Variants in IFT22 observed in about 807,000 individuals in gnomAD.
IFT22 encodes intraflagellar transport 22.
Under a neutral mutation model 21.0 loss-of-function variants are expected in IFT22, and 13 were observed. That is an observed-to-expected ratio of 0.62 (90% CI 0.40 to 0.98). The LOEUF (loss-of-function observed/expected upper bound fraction) is 0.98. Ranked by LOEUF, IFT22 falls within the 50% of genes least tolerant of loss-of-function variation. The pLI is 0.00. For missense variants in IFT22, 227 were observed against 228.9 expected (o/e 0.99, Z 0.06); for synonymous variants, 67 against 82.4 (o/e 0.81, Z 1.01).
intron 4 of IFT22, 105 bp from the exon 5 acceptor site, chr7:101,315,387 G>T: frequency 3.2e-6 from 4 of 1,247,734 alleles, no homozygotes; most frequent in Non-Finnish European, 2.3e-6. Context: ...GAAGTTCACA[G>T]ATCAAGTTGT....
chr7:101,316,691 G>A lies in IFT22; in HGVS notation c.207-149C>T, dbSNP rs542040880. The A allele has an allele frequency of 9.0e-5, 61 of 678,276 alleles. No individual in the cohort carries two copies. The East Asian group carries it at 1.6e-3, about 18-fold the overall frequency. 42.0% of individuals were successfully genotyped at this position (678,276 alleles called of 1,614,324 possible). A position where few individuals can be genotyped will look rare whatever the true frequency, so the allele number is the denominator to read the frequency against. On this transcript the variant is annotated intron_variant, in intron 3 of 4. Transcript: ENST00000315322. Reference sequence around the variant, plus strand: ...TGTAATCCCAGCACTTTGGGAGGCCGAGGCGGGCGATCACGAGGTCAGGAG... The same window carrying A: ...TGTAATCCCAGCACTTTGGGAGGCCAAGGCGGGCGATCACGAGGTCAGGAG...
chr7:101,312,573 T>C lies in IFT22; in HGVS notation c.*2561A>G, dbSNP rs7810079. Among the ~76,000 whole-genome samples the C allele has an allele frequency of 0.015, 2,204 of 143,458 alleles. 49 individuals carry two copies. Among genetic ancestry groups the C allele is most frequent in the African/African-American group, 0.054 (2,085 of 38,266 alleles). The allele number at this position is 143,458 out of a possible 152,430, so 94.1% of individuals were successfully genotyped here. On this transcript the variant is annotated 3_prime_UTR_variant, in exon 5 of 5. Coordinates refer to ENST00000315322, the MANE Select transcript of IFT22 (RefSeq NM_022777.4). ...TTTTTTGTGACGGAGTCTCGCTATGTTGCCGAGGCTGGAGAGCAGTGGCGC... is the reference window on the plus strand; with the variant it reads ...TTTTTTGTGACGGAGTCTCGCTATGCTGCCGAGGCTGGAGAGCAGTGGCGC...
chr7:101,318,300 A>G (rs13242752), intron 2 of IFT22, 87 bp from the exon 3 acceptor site: 1 of 948,928 alleles, frequency 1.1e-6, no homozygotes, highest in Non-Finnish European at 1.7e-6. Flanking sequence ...CGGGCAGATC[A>G]CTTGAGGTCA....
At chr7:101,316,109 C>T (rs1790141041) in intron 4 of IFT22, 2 of 492,706 alleles carry the variant, frequency 4.1e-6, no homozygotes, top group African/African-American at 1.9e-5. Flanking sequence ...AGCAATTCTC[C>T]TGCCTTAGCC....
chr7:101,320,558 CTTTT>C (rs397889268), intron 1 of IFT22, among the ~76,000 whole-genome samples: 34 of 101,628 alleles, frequency 3.3e-4, no homozygotes, highest in Admixed American at 1.1e-3. Flanking sequence ...CGCGCCCGGC[CTTTT>C]TTTTTTTTTT....
intron 1 of IFT22, chr7:101,321,339 C>A: frequency 2.9e-6 from 1 of 347,552 alleles, no homozygotes; most frequent in African/African-American, 2.2e-5. Context: ...AAAGTCCAGA[C>A]CCACAGACGC....
rs201765206 is a variant in IFT22 at position 101,315,129 on chromosome 7, G to C, written c.*5C>G. ...GGGGATGTGGCAGTCCCAGGTGAAG[G>C]CTGGCTAGGTCATAATTGACATCTC... is the stretch of plus-strand genomic sequence containing the variant. On this transcript the variant is annotated 3_prime_UTR_variant, in exon 5 of 5. Coordinates refer to ENST00000315322, the MANE Select transcript of IFT22 (RefSeq NM_022777.4). 2.5e-6 allele frequency: 4 copies of C among 1,611,832 alleles called. No homozygotes were observed. Among genetic ancestry groups the C allele is most frequent in the Non-Finnish European group, 3.4e-6 (4 of 1,178,838 alleles).
Position 101,321,781 on chromosome 7 carries a change from G to A in IFT22, c.-72C>T. On this transcript the variant is annotated 5_prime_UTR_variant, in exon 1 of 5. Coordinates refer to ENST00000315322, the MANE Select transcript of IFT22 (RefSeq NM_022777.4). The stretch of plus-strand genomic sequence containing the variant: ...CGTCAGGACGGAGCTCTACTTGGCC[G>A]CTTTCGTTTCCATGGCGACGGAGAG... The A allele has an allele frequency of 4.2e-6, 6 of 1,430,046 alleles. No individual in the cohort carries two copies. The Admixed American group carries it at 8.1e-5, about 19-fold the overall frequency. The allele number at this position is 1,430,046 out of a possible 1,614,324, so 88.6% of individuals were successfully genotyped here. A position where few individuals can be genotyped will look rare whatever the true frequency, so the allele number is the denominator to read the frequency against.
chr7:101,320,759 T>C (rs370402535), intron 1 of IFT22, among the ~76,000 whole-genome samples: 2 of 152,162 alleles, frequency 1.3e-5, no homozygotes, highest in South Asian at 2.1e-4. Context: ...TCCCAGAACT[T>C]TGAGAGACTG....
chr7:101,318,141 G>A lies in IFT22; in HGVS notation c.189C>T (p.Asp63=), dbSNP rs1191434290. 6.2e-7 allele frequency: 1 copy of A among 1,613,168 alleles called. No homozygotes were observed. Among genetic ancestry groups the A allele is most frequent in the Admixed American group, 1.7e-5 (1 of 59,960 alleles). Residue 63 remains aspartate (D), a synonymous_variant, in exon 3 of 5, where the codon GAC becomes GAT. Coordinates refer to ENST00000315322, the MANE Select transcript of IFT22 (RefSeq NM_022777.4). Reference sequence around the variant, plus strand: ...AAACATACTTAGCATCGCCACCACAGTCCCATAGCTCGAATTCACAGCCCG... The same window carrying A: ...AAACATACTTAGCATCGCCACCACAATCCCATAGCTCGAATTCACAGCCCG... ...KGTGCEFELW[D]CGGDAKFESC...
At chr7:101,315,662 TAGCTACA>T (rs1419946501) in intron 4 of IFT22, 1 of 235,116 alleles carries the variant, frequency 4.3e-6, no homozygotes, top group East Asian at 1.4e-4. Context: ...TACCCAAGAA[TAGCTACA>T]AGGATTTTCC....
At chr7:101,319,634 C>T (rs1403999653) in intron 1 of IFT22, among the ~76,000 whole-genome samples, 2 of 143,248 alleles carry the variant, frequency 1.4e-5, no homozygotes, top group African/African-American at 5.2e-5. Context: ...ATGAGTAATA[C>T]ACATTGCTTT....
Position 101,314,720 on chromosome 7 carries a change from C to T in IFT22, c.*414G>A. 1 of 174,248 alleles carries T rather than the reference C, an allele frequency of 5.7e-6. No individual in the cohort carries two copies. Among genetic ancestry groups the T allele is most frequent in the Non-Finnish European group, 1.2e-5 (1 of 82,356 alleles). The allele number at this position is 174,248 out of a possible 1,614,324, so 10.8% of individuals were successfully genotyped here. ...AGCAGCTAGAACAGCAGTGCACACA[C>T]AGCAGGTGCTCAGCCAGTCGGTATT... On this transcript the variant is annotated 3_prime_UTR_variant, in exon 5 of 5. Coordinates refer to ENST00000315322, the MANE Select transcript of IFT22 (RefSeq NM_022777.4).
Position 101,313,586 on chromosome 7 carries a change from CT to C in IFT22, c.*1547del, listed in dbSNP as rs903508252. On this transcript the variant is annotated 3_prime_UTR_variant, in exon 5 of 5. Coordinates refer to ENST00000315322, the MANE Select transcript of IFT22 (RefSeq NM_022777.4). Reference sequence around the variant, plus strand: ...GACCTTGTGATCCGCCTGCCTCGGCCTCCCAAAGTGCTGGGATTACAGGCGT... The same window carrying C: ...GACCTTGTGATCCGCCTGCCTCGGCCCCCAAAGTGCTGGGATTACAGGCGT... 2 of 152,126 alleles carry C rather than the reference CT, an allele frequency of 1.3e-5. No individual in the cohort carries two copies. The highest frequency in any genetic ancestry group is 4.8e-5 in the African/African-American group (2 of 41,400). 9.4% of individuals were successfully genotyped at this position (152,126 alleles called of 1,614,324 possible).
At chr7:101,318,057 C>G in intron 3 of IFT22, 67 bp downstream of exon 3, 1 of 1,396,916 alleles carries the variant, frequency 7.2e-7, no homozygotes, top group South Asian at 1.2e-5. Flanking sequence ...TGTGAGCCAC[C>G]GCCCCTGGCT....
intron 1 of IFT22, among the ~76,000 whole-genome samples, chr7:101,320,677 A>C (rs1357833023): frequency 9.3e-5 from 14 of 151,270 alleles, no homozygotes; most frequent in African/African-American, 3.2e-4. Flanking sequence ...CCCAACACAC[A>C]CATTAATAGC....
rs920518492 is a variant in IFT22 at position 101,314,572 on chromosome 7, T to G, written c.*562A>C. On this transcript the variant is annotated 3_prime_UTR_variant, in exon 5 of 5. Transcript: ENST00000315322. ...TTGGTGCAAAAGTAATAGTGGCTTT[T>G]GCCATTAAAAATTAAAAATGGCAAA... is the stretch of plus-strand genomic sequence containing the variant. 6.6e-6 allele frequency: 1 copy of G among 152,280 alleles called. No homozygotes were observed. Among genetic ancestry groups the G allele is most frequent in the Non-Finnish European group, 1.5e-5 (1 of 68,092 alleles). 9.4% of individuals were successfully genotyped at this position (152,280 alleles called of 1,614,324 possible).
rs1165272964 is a variant in IFT22, at chr7:101,321,762, G to A, written c.-53C>T. On this transcript the variant is annotated 5_prime_UTR_variant, in exon 1 of 5. Coordinates refer to ENST00000315322, the MANE Select transcript of IFT22 (RefSeq NM_022777.4). ...GAGCCCACGGGAGGCGGCGCGTCAG[G>A]ACGGAGCTCTACTTGGCCGCTTTCG... The A allele has an allele frequency of 5.2e-6, 8 of 1,534,314 alleles. No individual in the cohort carries two copies. The East Asian group carries it at 7.2e-5, about 14-fold the overall frequency.
In IFT22 at chr7:101,314,983, G is replaced by T; in HGVS notation, c.*151C>A. 1 of 748,800 alleles carries T rather than the reference G, an allele frequency of 1.3e-6. No homozygotes were observed. The highest frequency in any genetic ancestry group is 2.1e-6 in the Non-Finnish European group (1 of 471,214). The allele number at this position is 748,800 out of a possible 1,614,324, so 46.4% of individuals were successfully genotyped here. On this transcript the variant is annotated 3_prime_UTR_variant, in exon 5 of 5. Coordinates refer to ENST00000315322, the MANE Select transcript of IFT22 (RefSeq NM_022777.4). Reference sequence around the variant, plus strand: ...CAGAGCACAGATGGTCTGAGTGAACGCCCTGTGTGACAGGTGCCTTCCTGC... The same window carrying T: ...CAGAGCACAGATGGTCTGAGTGAACTCCCTGTGTGACAGGTGCCTTCCTGC...
Sources: gnomAD v4.1 joint callset for allele counts (sites outside exome capture counted in the v4.1 genomes callset) on GRCh38, gnomAD v4.1.1 for gene constraint, MANE v1.5 for transcripts, NCBI Gene and HGNC (gene_info 2026-07-23, HGNC 2026-07-21) for gene names.